The following NAPG variants were observed in gnomAD, a reference collection of about 807,000 sequenced individuals.
NAPG encodes the protein gamma-soluble NSF attachment protein.
NAPG carries 25 observed loss-of-function variants against 48.4 expected under a neutral mutation model. The ratio of observed to expected loss-of-function variants is 0.52; its 90% CI spans 0.38 to 0.72. The LOEUF (loss-of-function observed/expected upper bound fraction) is 0.72. Among genes scored for constraint, NAPG ranks in the 30% least tolerant of loss-of-function variants. The probability of loss-of-function intolerance (pLI) is 0.00; values close to 1 mark genes in which losing one functional copy is unlikely to be tolerated. For missense variants in NAPG, 359 were observed against 372.5 expected (o/e 0.96, Z 0.30); for synonymous variants, 139 against 127.2 (o/e 1.09, Z -0.62).
In NAPG at chr18:10,546,206, G is replaced by A. The variant is rs1390837427; in HGVS notation, c.507-120G>A. ...TGGAAACCTGGGTCCTGGGGCAGCT[G>A]CTAATAATACCTGTCCTCCTGGTGT... is the stretch of plus-strand genomic sequence containing the variant. On this transcript the variant is annotated intron_variant, in intron 8 of 11. Transcript: ENST00000322897. This position sits in a 1 kb window ranked among gnomAD's most constrained non-coding sequence, Gnocchi z 4.0. 2 of 518,324 alleles carry A rather than the reference G, an allele frequency of 3.9e-6. No individual in the cohort carries two copies. The highest frequency in any genetic ancestry group is 7.2e-5 in the East Asian group (2 of 27,670). The allele number at this position is 518,324 out of a possible 1,614,324, so 32.1% of individuals were successfully genotyped here. A position where few individuals can be genotyped will look rare whatever the true frequency, so the allele number is the denominator to read the frequency against.
rs150360978 is a variant in NAPG at position 10,539,827 on chromosome 18, C to T, written c.324C>T (p.Asn108=). ...IEKASMMYLE[N]GTPDTAAMAL... is the part of the protein sequence containing the mutation. ...AGGCCAGCATGATGTATCTAGAAAA[C>T]GGCACCCCAGACACAGCAGCCATGG... is the stretch of plus-strand genomic sequence containing the variant. The change falls in exon 6 of 12, where the codon AAC becomes AAT. Residue 108 remains asparagine (N), a synonymous_variant. Coordinates refer to ENST00000322897, the MANE Select transcript of NAPG (RefSeq NM_003826.3). The surrounding 1 kb of genome is among the most constrained non-coding windows in gnomAD (Gnocchi z 4.7). 3.1e-3 allele frequency: 4,999 copies of T among 1,613,942 alleles called. 18 individuals are homozygous for T. Among genetic ancestry groups the T allele is most frequent in the Non-Finnish European group, 3.4e-3 (3,987 of 1,179,878 alleles).
intron 1 of NAPG, among the ~76,000 whole-genome samples, chr18:10,530,397 A>G (rs1203930153): frequency 1.3e-5 from 2 of 151,800 alleles, no homozygotes; most frequent in East Asian, 1.9e-4. Context: ...TGCTGTCGAT[A>G]CTGTGCTTCA....
rs769942037 is a variant in NAPG at position 10,530,860 on chromosome 18, T to TG, written c.124+24dup. On this transcript the variant is annotated intron_variant, in intron 2 of 11. Transcript: ENST00000322897. ...CAGGTATTTTTGACTATAGTCCAGT[T>TG]GCTCCAGTATGTAATCTTAAAATAG... 4.0e-6 allele frequency: 6 copies of TG among 1,514,208 alleles called. No homozygotes were observed. In the African/African-American group the frequency reaches 7.0e-5, roughly 18 times the overall value. The allele number at this position is 1,514,208 out of a possible 1,614,324, so 93.8% of individuals were successfully genotyped here.
chr18:10,541,593 C>T (rs1419095698), intron 8 of NAPG, among the ~76,000 whole-genome samples: 2 of 152,158 alleles, frequency 1.3e-5, no homozygotes, highest in African/African-American at 4.8e-5. Context: ...GTCTTAGAAA[C>T]AGTGTCCTTC....
At chr18:10,535,394 C>CGA (rs910143908) in intron 5 of NAPG, among the ~76,000 whole-genome samples, 1 of 151,996 alleles carries the variant, frequency 6.6e-6, no homozygotes, top group Non-Finnish European at 1.5e-5. Flanking sequence ...AGTCTATCAT[C>CGA]GAGAGAGAGA....
At chr18:10,529,630 G>T (rs2031888229) in intron 1 of NAPG, among the ~76,000 whole-genome samples, 1 of 152,188 alleles carries the variant, frequency 6.6e-6, no homozygotes, top group Admixed American at 6.5e-5. Flanking sequence ...GCACAAGCCT[G>T]TAATCCCGGC....
At chr18:10,549,288 G>T (rs1349696971) in intron 11 of NAPG, among the ~76,000 whole-genome samples, 192 bp downstream of exon 11, 3 of 152,086 alleles carry the variant, frequency 2.0e-5, no homozygotes, top group East Asian at 1.9e-4. Context: ...GATGTTAGTT[G>T]TGTGGTGTAT....
rs764255243 is a variant in NAPG at position 10,526,027 on chromosome 18, C to T, written c.-76C>T. ...AGCTTCCTCCTCGGCGTTCCCACGCCTATTTGGGCGGATTCTTGGCGCCGG... is the reference window on the plus strand; with the variant it reads ...AGCTTCCTCCTCGGCGTTCCCACGCTTATTTGGGCGGATTCTTGGCGCCGG... On this transcript the variant is annotated 5_prime_UTR_variant, in exon 1 of 12. Transcript: ENST00000322897. 3.8e-5 allele frequency: 55 copies of T among 1,446,946 alleles called. No individual in the cohort carries two copies. Among genetic ancestry groups the T allele is most frequent in the Admixed American group, 1.2e-4 (7 of 58,620 alleles). The allele number at this position is 1,446,946 out of a possible 1,614,324, so 89.6% of individuals were successfully genotyped here.
chr18:10,548,357 G>T lies in NAPG; in HGVS notation c.644G>T (p.Arg215Ile). The change falls in exon 10 of 12, where the codon AGA becomes ATA. Residue 215 changes from arginine to isoleucine, a missense_variant. Arg to Ile is a moderately conservative substitution (Grantham distance 97). Transcript: ENST00000322897. The surrounding 1 kb of genome is among the most constrained non-coding windows in gnomAD (Gnocchi z 4.4). ...LHRNDYVAAERCVRESYSIPG... is the reference protein window; with the variant it reads ...LHRNDYVAAEICVRESYSIPG... ...AGAAATGACTATGTAGCTGCAGAAA[G>T]ATGTGTCCGGGAGAGCTATAGGTAA... is the stretch of plus-strand genomic sequence containing the variant. The T allele has an allele frequency of 6.2e-7, 1 of 1,613,690 alleles. No homozygotes were observed. The highest frequency in any genetic ancestry group is 8.5e-7 in the Non-Finnish European group (1 of 1,179,628).
In NAPG at chr18:10,529,140, G is replaced by T. The variant is rs145681546; in HGVS notation, c.57-1630G>T. ...TGGTTTGCCCAGTTTTAAACTCTCT[G>T]GGTCTTTCCGTGTATAGCACATTAG... On this transcript the variant is annotated intron_variant, in intron 1 of 11. Transcript: ENST00000322897. Among the ~76,000 whole-genome samples, 18 of 152,244 alleles carry T rather than the reference G, an allele frequency of 1.2e-4. No homozygotes were observed. The East Asian group carries it at 2.9e-3, about 24-fold the overall frequency.
intron 3 of NAPG, 48 bp from the exon 4 acceptor site, chr18:10,533,488 T>C: frequency 1.3e-6 from 2 of 1,540,794 alleles, no homozygotes; most frequent in South Asian, 1.2e-5. Flanking sequence ...TAGAAACTAT[T>C]GATTTTTTTC....
chr18:10,527,231 C>T (rs2031837407), intron 1 of NAPG, among the ~76,000 whole-genome samples: 1 of 151,594 alleles, frequency 6.6e-6, no homozygotes, highest in Non-Finnish European at 1.5e-5. Context: ...GCATTGTGCT[C>T]TGTGGTGGGT....
At chr18:10,526,246 G>GGCC in intron 1 of NAPG, 88 bp downstream of exon 1, 1 of 490,182 alleles carries the variant, frequency 2.0e-6, no homozygotes, top group Non-Finnish European at 4.2e-6. Context: ...GGGCGGGAGG[G>GGCC]AGGGCTCAGG....
chr18:10,543,811 A>G lies in NAPG; in HGVS notation c.507-2515A>G, dbSNP rs867677535. On this transcript the variant is annotated intron_variant, in intron 8 of 11. Transcript: ENST00000322897. This position sits in a 1 kb window ranked among gnomAD's most constrained non-coding sequence, Gnocchi z 4.4. Reference sequence around the variant, plus strand: ...TTGAAAGCATCTGTGTTTCATTATAATAAGTAACTAATACTTTTCTGGATA... The same window carrying G: ...TTGAAAGCATCTGTGTTTCATTATAGTAAGTAACTAATACTTTTCTGGATA... 5.3e-5 allele frequency among the ~76,000 whole-genome samples: 8 copies of G among 152,360 alleles called. No homozygotes were observed. The highest frequency in any genetic ancestry group is 3.4e-3 in the Middle Eastern group (1 of 294).
Position 10,526,072 on chromosome 18 carries a change from C to T in NAPG, c.-31C>T, listed in dbSNP as rs750071709. On this transcript the variant is annotated 5_prime_UTR_variant, in exon 1 of 12. Coordinates refer to ENST00000322897, the MANE Select transcript of NAPG (RefSeq NM_003826.3). ...CGCCGGAGGAAGAGGCAGGGTCACC[C>T]TCTCTCCACGTCAGAGACCTGACTG... 8.7e-6 allele frequency: 14 copies of T among 1,608,950 alleles called. No individual in the cohort carries two copies. The highest frequency in any genetic ancestry group is 5.3e-5 in the African/African-American group (4 of 74,854).
intron 1 of NAPG, among the ~76,000 whole-genome samples, chr18:10,528,653 G>A (rs1052455145): frequency 1.3e-5 from 2 of 152,202 alleles, no homozygotes; most frequent in Non-Finnish European, 2.9e-5. Context: ...GTGCCTGCAT[G>A]TAGAGATGAA....
rs1212648097 is a variant in NAPG, at chr18:10,526,141, C to T, written c.39C>T (p.Leu13=). The T allele has an allele frequency of 1.1e-5, 17 of 1,613,528 alleles. 1 individual carries two copies. The African/African-American group carries it at 1.3e-4, about 13-fold the overall frequency. The change falls in exon 1 of 12, where the codon CTC becomes CTT. Residue 13 remains leucine (L), a synonymous_variant. Transcript: ENST00000322897. ...AGATAAACGAGGGGCTGGAACACCT[C>T]GCCAAAGCAGAGAAATAGTGAGTGA... ...AQKINEGLEH[L]AKAEKYLKTG...
At chr18:10,549,250 G>T (rs1385050388) in intron 11 of NAPG, among the ~76,000 whole-genome samples, 154 bp downstream of exon 11, 2 of 152,052 alleles carry the variant, frequency 1.3e-5, no homozygotes, top group Admixed American at 6.5e-5. Flanking sequence ...CACTTGCATT[G>T]AATTTCACCA....
At chr18:10,530,250 G>T (rs1183747630) in intron 1 of NAPG, among the ~76,000 whole-genome samples, 1 of 82,572 alleles carries the variant, frequency 1.2e-5, no homozygotes, top group African/African-American at 4.8e-5. Context: ...CTGAATGATT[G>T]TATTCCTTAG....
Sources: allele counts gnomAD v4.1 joint callset (sites outside exome capture counted in the v4.1 genomes callset), GRCh38; gene constraint gnomAD v4.1.1; non-coding constraint Gnocchi (gnomAD v3.1); transcripts MANE v1.5; gene names NCBI Gene and HGNC (gene_info 2026-07-23, HGNC 2026-07-21).